Variants in AKAP13 observed in about 807,000 individuals in gnomAD.
The protein encoded by AKAP13 is A-kinase anchoring protein 13.
In AKAP13, 80 loss-of-function variants were observed where a neutral mutation model predicts 264.5. The ratio of observed to expected loss-of-function variants is 0.30; its 90% CI spans 0.25 to 0.36. The LOEUF (loss-of-function observed/expected upper bound fraction) is 0.36, where lower values mean the gene tolerates loss of function less well. Among genes scored for constraint, AKAP13 ranks in the 10% least tolerant of loss-of-function variants. The pLI is 1.00. For missense variants in AKAP13, 3,712 were observed against 3,435.2 expected (o/e 1.08, Z -2.01); for synonymous variants, 1,380 against 1,250.2 (o/e 1.10, Z -2.19).
At position 85,744,739 on chromosome 15, in the gene AKAP13, TC is replaced by T; in HGVS notation, c.*66del. 1 of 1,474,410 alleles carries T rather than the reference TC, an allele frequency of 6.8e-7. No individual in the cohort carries two copies. Among genetic ancestry groups the T allele is most frequent in the Non-Finnish European group, 9.2e-7 (1 of 1,090,892 alleles). The allele number at this position is 1,474,410 out of a possible 1,614,324, so 91.3% of individuals were successfully genotyped here. Reference sequence around the variant, plus strand: ...CCTGGCCAGCCCACCTCTCCTGCTGTCCCCGCGTGCACAAGTCTCTTACACT... The same window carrying T: ...CCTGGCCAGCCCACCTCTCCTGCTGTCCCGCGTGCACAAGTCTCTTACACT... On this transcript the variant is annotated 3_prime_UTR_variant, in exon 37 of 37. Transcript: ENST00000394518.
chr15:85,433,452 CTT>C (rs2073119413), intron 1 of AKAP13, among the ~76,000 whole-genome samples: 1 of 152,062 alleles, frequency 6.6e-6, no homozygotes, highest in African/African-American at 2.4e-5. Flanking sequence ...CTTTCCTACA[CTT>C]TTTCTTCGAT....
Position 85,580,228 on chromosome 15 carries a change from C to T in AKAP13, c.2160C>T (p.Asp720=). The change falls in exon 7 of 37, where the codon GAC becomes GAT. Residue 720 remains aspartate (D), a synonymous_variant. Transcript: ENST00000394518. ...EDPQAHTVTS[D]PVRDTQERAD... ...CACAGGCTCATACAGTCACCTCTGA[C>T]CCTGTAAGGGATACCCAGGAACGTG... 6.2e-7 allele frequency: 1 copy of T among 1,614,180 alleles called. No homozygotes were observed. Among genetic ancestry groups the T allele is most frequent in the Middle Eastern group, 1.6e-4 (1 of 6,062 alleles).
chr15:85,597,409 C>T (rs977658054), intron 8 of AKAP13, among the ~76,000 whole-genome samples: 1 of 152,148 alleles, frequency 6.6e-6, no homozygotes, highest in Non-Finnish European at 1.5e-5. Context: ...GGAAACCTCT[C>T]CAGTGTTTCT....
intron 17 of AKAP13, among the ~76,000 whole-genome samples, chr15:85,706,407 C>G (rs1020312738): frequency 6.6e-6 from 1 of 152,170 alleles, no homozygotes; most frequent in African/African-American, 2.4e-5. Flanking sequence ...GCCTGAAACT[C>G]ACTTACCCAT....
rs2151719298 is a variant in AKAP13, at chr15:85,718,475, G to A, written c.6001+316G>A. On this transcript the variant is annotated intron_variant, in intron 22 of 36. Coordinates refer to ENST00000394518, the MANE Select transcript of AKAP13 (RefSeq NM_007200.5). The surrounding 1 kb of genome is among the most constrained non-coding windows in gnomAD (Gnocchi z 4.9). ...TAGACTAAACACAAGTCATTTCTGA[G>A]AACTGGGTATACAGTCAGTTACGAC... 6.6e-6 allele frequency among the ~76,000 whole-genome samples: 1 copy of A among 152,280 alleles called. No individual in the cohort carries two copies. Among genetic ancestry groups the A allele is most frequent in the South Asian group, 2.1e-4 (1 of 4,826 alleles).
At chr15:85,613,331 A>G (rs916674127) in intron 8 of AKAP13, among the ~76,000 whole-genome samples, 5 of 152,160 alleles carry the variant, frequency 3.3e-5, no homozygotes, top group African/African-American at 4.8e-5. Flanking sequence ...AGATGGAGGT[A>G]TGGGACTCAG....
At chr15:85,460,435 C>G (rs2074466306) in intron 1 of AKAP13, among the ~76,000 whole-genome samples, 1 of 152,232 alleles carries the variant, frequency 6.6e-6, no homozygotes, top group Non-Finnish European at 1.5e-5. Flanking sequence ...TGAACCCTGT[C>G]ACCCCCAGCC....
Position 85,645,964 on chromosome 15 carries a change from G to A in AKAP13, c.4374+10G>A, listed in dbSNP as rs1456880142. ...CATCATCTTCCCAAAGGTACTGTGT[G>A]GACCTTCCTTTCATTTTTGTCACAC... is the stretch of plus-strand genomic sequence containing the variant. On this transcript the variant is annotated intron_variant, in intron 10 of 36. Transcript: ENST00000394518. 4 of 1,601,020 alleles carry A rather than the reference G, an allele frequency of 2.5e-6. No homozygotes were observed. The highest frequency in any genetic ancestry group is 2.2e-5 in the East Asian group (1 of 44,834).
At chr15:85,442,889 A>G (rs2073759795) in intron 1 of AKAP13, among the ~76,000 whole-genome samples, 1 of 152,230 alleles carries the variant, frequency 6.6e-6, no homozygotes, top group East Asian at 1.9e-4. Context: ...ATTGTGAGCT[A>G]GGCCTTGTAT....
chr15:85,598,829 G>T (rs1465025097), intron 8 of AKAP13, among the ~76,000 whole-genome samples: 1 of 152,166 alleles, frequency 6.6e-6, no homozygotes. Context: ...GTAACATCAG[G>T]CATTAAGTGG....
chr15:85,532,516 G>A (rs4843067), intron 3 of AKAP13, among the ~76,000 whole-genome samples: 130,606 of 152,178 alleles, frequency 0.86, 56,359 homozygotes, highest in African/African-American at 0.88. Flanking sequence ...ACAAAGTGGC[G>A]TTACCCAAAC....
At chr15:85,431,796 T>TA (rs2073034087) in intron 1 of AKAP13, among the ~76,000 whole-genome samples, 1 of 151,324 alleles carries the variant, frequency 6.6e-6, no homozygotes, top group South Asian at 2.1e-4. Flanking sequence ...GAAACTCAAT[T>TA]AGATGGTAAA....
intron 30 of AKAP13, among the ~76,000 whole-genome samples, chr15:85,733,876 T>TC (rs1384689923): frequency 6.4e-5 from 9 of 140,608 alleles, no homozygotes; most frequent in African/African-American, 1.3e-4. Context: ...TTCTTTTCTT[T>TC]TTTTTTTTTT....
At chr15:85,671,744 A>C (rs2083942947) in intron 14 of AKAP13, among the ~76,000 whole-genome samples, 1 of 152,020 alleles carries the variant, frequency 6.6e-6, no homozygotes, top group Non-Finnish European at 1.5e-5. Flanking sequence ...GAATGCTAGC[A>C]CTCAGTAGCC....
chr15:85,473,176 A>AG (rs1466942683), intron 1 of AKAP13, among the ~76,000 whole-genome samples: 8 of 152,314 alleles, frequency 5.3e-5, no homozygotes, highest in Non-Finnish European at 1.2e-4. Context: ...TAGGGAAAAA[A>AG]GACTGAAGAT....
In AKAP13 at chr15:85,462,764, C is replaced by T. The variant is rs112230797; in HGVS notation, c.-11-22946C>T. 3.0e-3 allele frequency among the ~76,000 whole-genome samples: 453 copies of T among 152,152 alleles called. 2 individuals carry two copies. Among genetic ancestry groups the T allele is most frequent in the Non-Finnish European group, 4.9e-3 (335 of 67,990 alleles). ...TTTTGGCCGGGCGTGGTGGCTCACGCCTGTAATCCCAGCACTTTGGGAGGC... is the reference window on the plus strand; with the variant it reads ...TTTTGGCCGGGCGTGGTGGCTCACGTCTGTAATCCCAGCACTTTGGGAGGC... On this transcript the variant is annotated intron_variant, in intron 1 of 36. Transcript: ENST00000394518.
intron 17 of AKAP13, chr15:85,701,327 G>A (rs1409595009): frequency 6.6e-6 from 1 of 152,090 alleles, no homozygotes; most frequent in African/African-American, 2.4e-5. Flanking sequence ...ACCTTTGCTA[G>A]TTGTTCTTTG....
chr15:85,652,798 C>T (rs188317591), intron 10 of AKAP13, among the ~76,000 whole-genome samples: 1 of 152,280 alleles, frequency 6.6e-6, no homozygotes. Flanking sequence ...AGACACTGCA[C>T]TCCAATCTCT....
In AKAP13 at chr15:85,470,869, C is replaced by T. The variant is rs372364462; in HGVS notation, c.-11-14841C>T. Among the ~76,000 whole-genome samples the T allele has an allele frequency of 2.9e-4, 44 of 152,312 alleles. No individual in the cohort carries two copies. The East Asian group carries it at 7.3e-3, about 25-fold the overall frequency. On this transcript the variant is annotated intron_variant, in intron 1 of 36. Transcript: ENST00000394518. ...TCAGGAACATTCAATTTTATGCTTT[C>T]TCTGAGCTATAACATCATGACTGCA...
Sources: allele counts gnomAD v4.1 joint callset (sites outside exome capture counted in the v4.1 genomes callset), GRCh38; gene constraint gnomAD v4.1.1; non-coding constraint Gnocchi (gnomAD v3.1); transcripts MANE v1.5; gene names NCBI Gene and HGNC (gene_info 2026-07-23, HGNC 2026-07-21).